CHD1: variants seen among roughly 807,000 people sequenced by gnomAD.
CHD1 encodes ATP-dependent chromatin remodeler CHD1.
In CHD1, 36 loss-of-function variants were observed where a neutral mutation model predicts 224.2. That is an observed-to-expected ratio of 0.16 (90% confidence interval 0.12 to 0.21). CHD1 has a LOEUF of 0.21. CHD1 is among the 10% of genes least tolerant of loss of function. The pLI, the probability that CHD1 is intolerant of heterozygous loss-of-function variation, is 1.00. For missense variants in CHD1, 1,378 were observed against 1,994.8 expected (o/e 0.69, Z 5.89); for synonymous variants, 668 against 658.3 (o/e 1.01, Z -0.23).
chr5:98,865,199 C>A (rs1748767664), intron 31 of CHD1, among the ~76,000 whole-genome samples: 1 of 152,122 alleles, frequency 6.6e-6, no homozygotes, highest in Non-Finnish European at 1.5e-5. Flanking sequence ...ACATGAAAGT[C>A]CTAAAACTTG....
intron 1 of CHD1, among the ~76,000 whole-genome samples, chr5:98,926,851 A>T (rs1187050349): frequency 6.7e-6 from 1 of 148,708 alleles, no homozygotes; most frequent in Non-Finnish European, 1.5e-5. Flanking sequence ...GATACGATGT[A>T]ACATATGCAT....
At chr5:98,867,121 T>C (rs1748934161) in intron 31 of CHD1, among the ~76,000 whole-genome samples, 1 of 152,160 alleles carries the variant, frequency 6.6e-6, no homozygotes. Flanking sequence ...TGTAATTACA[T>C]AAGTATATAA....
At position 98,899,797 on chromosome 5, in the gene CHD1, TATATAC is replaced by T. The variant is rs1419503292; in HGVS notation, c.860-98_860-93del. 6.2e-6 allele frequency: 5 copies of T among 809,662 alleles called. No individual in the cohort carries two copies. In the African/African-American group the frequency reaches 8.7e-5, roughly 14 times the overall value. The allele number at this position is 809,662 out of a possible 1,614,324, so 50.2% of individuals were successfully genotyped here. ...AATTTCAATAATATGAGTACAAAAA[TATATAC>T]TCTTTTAAATAAAGTATTGGGGGTA... On this transcript the variant is annotated intron_variant, in intron 7 of 35. Coordinates refer to ENST00000614616, the MANE Select transcript of CHD1 (RefSeq NM_001270.4).
At chr5:98,873,495 G>T in intron 26 of CHD1, 98 bp downstream of exon 26, 2 of 926,494 alleles carry the variant, frequency 2.2e-6, no homozygotes, top group Non-Finnish European at 2.9e-6. Flanking sequence ...TTTTGAGACT[G>T]ATGAATAAAT....
At chr5:98,888,404 C>T (rs999716780) in intron 16 of CHD1, among the ~76,000 whole-genome samples, 164 bp from the exon 17 acceptor site, 1 of 152,164 alleles carries the variant, frequency 6.6e-6, no homozygotes, top group South Asian at 2.1e-4. Flanking sequence ...TACCATTTCA[C>T]TCTATGACTG....
intron 16 of CHD1, 70 bp from the exon 17 acceptor site, chr5:98,888,310 T>C: frequency 9.6e-7 from 1 of 1,038,790 alleles, no homozygotes. Flanking sequence ...AACACTTTAG[T>C]TGCCTGAATT....
Position 98,926,316 on chromosome 5 carries a change from A to C in CHD1, c.53+18T>G. On this transcript the variant is annotated intron_variant, in intron 2 of 35. Coordinates refer to ENST00000614616, the MANE Select transcript of CHD1 (RefSeq NM_001270.4). ...ACTCTCTTCATAGTAAACAATTGAT[A>C]ACAAAGTGCTTACTTACCTTGATTC... 4 of 1,451,840 alleles carry C rather than the reference A, an allele frequency of 2.8e-6. No homozygotes were observed. The highest frequency in any genetic ancestry group is 3.7e-6 in the Non-Finnish European group (4 of 1,069,496). The allele number at this position is 1,451,840 out of a possible 1,614,324, so 89.9% of individuals were successfully genotyped here.
At chr5:98,891,044 A>G (rs1468656450) in intron 15 of CHD1, among the ~76,000 whole-genome samples, 1 of 152,192 alleles carries the variant, frequency 6.6e-6, no homozygotes, top group African/African-American at 2.4e-5. Flanking sequence ...TGAGAGAGCA[A>G]TAATTTCCTA....
chr5:98,903,643 T>A, intron 4 of CHD1, 149 bp downstream of exon 4: 1 of 671,574 alleles, frequency 1.5e-6, no homozygotes, highest in Non-Finnish European at 2.6e-6. Context: ...ATGCAAAATC[T>A]GTATTTCAAG....
chr5:98,881,252 C>CT (rs11295695), intron 21 of CHD1, 27 bp downstream of exon 21: 24,248 of 670,864 alleles, frequency 0.036, 480 homozygotes, highest in African/African-American at 0.073. Flanking sequence ...TGAGGCAGGC[C>CT]TTTTTTTTTT....
At chr5:98,891,385 T>C (rs1294911422) in intron 15 of CHD1, among the ~76,000 whole-genome samples, 1 of 152,154 alleles carries the variant, frequency 6.6e-6, no homozygotes, top group Non-Finnish European at 1.5e-5. Context: ...GTGATACTAG[T>C]ATTTTTAAAA....
intron 18 of CHD1, chr5:98,883,961 C>T (rs1237553010): frequency 6.3e-6 from 1 of 158,616 alleles, no homozygotes; most frequent in Non-Finnish European, 1.3e-5. Context: ...CCTGCCTCAG[C>T]CTCCCGAGTA....
chr5:98,902,979 T>G lies in CHD1; in HGVS notation c.373-15A>C, dbSNP rs572799310. On this transcript the variant is annotated splice_polypyrimidine_tract_variant and intron_variant, in intron 4 of 35. Transcript: ENST00000614616. ...CTAGAGGAATCCTGTAGAAAAGAAA[T>G]AAAGTCAGTATCATCCACTAATGAT... 2.6e-6 allele frequency: 4 copies of G among 1,520,788 alleles called. No homozygotes were observed. The highest frequency in any genetic ancestry group is 1.7e-5 in the Admixed American group (1 of 58,778). 94.2% of individuals were successfully genotyped at this position (1,520,788 alleles called of 1,614,324 possible).
intron 2 of CHD1, among the ~76,000 whole-genome samples, chr5:98,917,295 G>GAAAAAAAAAAAAAAA (rs1752792049): frequency 3.2e-5 from 1 of 30,854 alleles, no homozygotes; most frequent in African/African-American, 7.3e-4. Context: ...CAAAAACAAA[G>GAAAAAAAAAAAAAAA]AAACAAAAAA....
intron 1 of CHD1, among the ~76,000 whole-genome samples, chr5:98,927,488 A>T (rs1753550233): frequency 6.6e-6 from 1 of 152,172 alleles, no homozygotes; most frequent in Non-Finnish European, 1.5e-5. Context: ...GAGGGAGGGA[A>T]ACAGATTGTT....
chr5:98,874,981 A>C, intron 25 of CHD1, 91 bp downstream of exon 25: 1 of 705,282 alleles, frequency 1.4e-6, no homozygotes, highest in Non-Finnish European at 2.5e-6. Context: ...CAAATTTAAC[A>C]AAGTAGCTAA....
chr5:98,907,926 G>C lies in CHD1; in HGVS notation c.54-2828C>G, dbSNP rs890544944. Among the ~76,000 whole-genome samples the C allele has an allele frequency of 1.8e-4, 27 of 151,840 alleles. 1 individual carries two copies. The highest frequency in any genetic ancestry group is 3.2e-4 in the Non-Finnish European group (22 of 67,962). Reference sequence around the variant, plus strand: ...AAAATGAAAGAAAAATATACATGGGGCCAGAAAAAAAATTAGACTTAAAAC... The same window carrying C: ...AAAATGAAAGAAAAATATACATGGGCCCAGAAAAAAAATTAGACTTAAAAC... On this transcript the variant is annotated intron_variant, in intron 2 of 35. Transcript: ENST00000614616.
At chr5:98,875,636 A>G (rs899833760) in intron 24 of CHD1, among the ~76,000 whole-genome samples, 3 of 152,322 alleles carry the variant, frequency 2.0e-5, no homozygotes, top group African/African-American at 7.2e-5. Context: ...ACTAAAGACG[A>G]AAAGTACAGC....
At chr5:98,913,337 G>A (rs563605115) in intron 2 of CHD1, among the ~76,000 whole-genome samples, 1 of 152,262 alleles carries the variant, frequency 6.6e-6, no homozygotes, top group Admixed American at 6.5e-5. Flanking sequence ...AGCTGGGGGA[G>A]GTGGCATATG....
Sources: gnomAD v4.1 joint callset for allele counts (sites outside exome capture counted in the v4.1 genomes callset) on GRCh38, gnomAD v4.1.1 for gene constraint, MANE v1.5 for transcripts, NCBI Gene and HGNC (gene_info 2026-07-23, HGNC 2026-07-21) for gene names.